NFIA: variants seen among roughly 807,000 people sequenced by gnomAD.
NFIA encodes nuclear factor I A.
Under a neutral mutation model 62.8 loss-of-function variants are expected in NFIA, and 8 were observed. The ratio of observed to expected loss-of-function variants is 0.13; its 90% CI spans 0.07 to 0.23. The LOEUF (loss-of-function observed/expected upper bound fraction) is 0.23. Among genes scored for constraint, NFIA ranks in the 10% least tolerant of loss-of-function variants. The pLI, the probability that NFIA is intolerant of heterozygous loss-of-function variation, is 1.00. For synonymous variants in NFIA, 235 were observed against 238.1 expected (o/e 0.99, Z 0.12); for missense variants, 410 against 642.1 (o/e 0.64, Z 3.91).
chr1:61,366,542 A>G (rs946366742), intron 6 of NFIA, among the ~76,000 whole-genome samples: 1 of 152,234 alleles, frequency 6.6e-6, no homozygotes, highest in Admixed American at 6.5e-5. Context: ...TTTGATAAGG[A>G]ATAAATTTAG....
At chr1:61,395,074 T>A (rs1266832439) in intron 7 of NFIA, among the ~76,000 whole-genome samples, 1 of 151,926 alleles carries the variant, frequency 6.6e-6, no homozygotes, top group African/African-American at 2.4e-5. Context: ...ATCACTGCCC[T>A]CCAGCCTGGG....
At chr1:61,091,929 A>G (rs557339449) in intron 2 of NFIA, among the ~76,000 whole-genome samples, 7 of 151,778 alleles carry the variant, frequency 4.6e-5, no homozygotes, top group African/African-American at 1.7e-4. Context: ...CAAATTAGTT[A>G]GATTTTGTGA....
intron 4 of NFIA, among the ~76,000 whole-genome samples, chr1:61,335,923 A>G (rs1185690269): frequency 6.6e-6 from 1 of 152,198 alleles, no homozygotes; most frequent in Non-Finnish European, 1.5e-5. Flanking sequence ...GTGATGTCAT[A>G]TAATATGAAA....
At chr1:61,281,345 G>A (rs1165664186) in intron 3 of NFIA, among the ~76,000 whole-genome samples, 1 of 152,184 alleles carries the variant, frequency 6.6e-6, no homozygotes, top group South Asian at 2.1e-4. Flanking sequence ...TTCACAGTAA[G>A]GACTCAAAGG....
intron 5 of NFIA, among the ~76,000 whole-genome samples, chr1:61,357,587 G>A (rs1185345066): frequency 2.0e-5 from 3 of 152,066 alleles, no homozygotes; most frequent in Middle Eastern, 3.2e-3. Context: ...AGCCTTTCCC[G>A]AACCCCTGGC....
At chr1:61,341,272 C>T (rs1449983136) in intron 4 of NFIA, among the ~76,000 whole-genome samples, 2 of 151,828 alleles carry the variant, frequency 1.3e-5, no homozygotes, top group Non-Finnish European at 2.9e-5. Context: ...ACCGTGGTCT[C>T]GATCTCCTGA....
Position 61,461,472 on chromosome 1 carries a change from T to A in NFIA, c.*6152T>A, listed in dbSNP as rs943949716. On this transcript the variant is annotated 3_prime_UTR_variant, in exon 11 of 11. Coordinates refer to ENST00000403491, the MANE Select transcript of NFIA (RefSeq NM_001134673.4). The stretch of plus-strand genomic sequence containing the variant: ...AATTTGAAATTACTTGCTTCCCAAA[T>A]TAAATAAATTTCATCTCATTTTTTT... 2.0e-5 allele frequency: 3 copies of A among 152,202 alleles called. No homozygotes were observed. Among genetic ancestry groups the A allele is most frequent in the African/African-American group, 7.2e-5 (3 of 41,450 alleles). The allele number at this position is 152,202 out of a possible 1,614,324, so 9.4% of individuals were successfully genotyped here. A position where few individuals can be genotyped will look rare whatever the true frequency, so the allele number is the denominator to read the frequency against.
chr1:61,352,374 G>C, intron 4 of NFIA, 76 bp from the exon 5 acceptor site: 1 of 987,884 alleles, frequency 1.0e-6, no homozygotes, highest in East Asian at 2.4e-5. Context: ...TGTGCTAAAT[G>C]CAACACTGAG....
chr1:61,216,454 C>T (rs1004787479), intron 2 of NFIA, among the ~76,000 whole-genome samples: 1 of 152,174 alleles, frequency 6.6e-6, no homozygotes, highest in Non-Finnish European at 1.5e-5. Context: ...GATGCAGTCT[C>T]ATGGTGGAAC....
intron 2 of NFIA, among the ~76,000 whole-genome samples, chr1:61,135,284 C>A (rs1647162374): frequency 6.6e-6 from 1 of 152,184 alleles, no homozygotes; most frequent in South Asian, 2.1e-4. Context: ...CCCAGGTAGC[C>A]CAGACCAAGG....
At chr1:61,261,592 C>A (rs1011591355) in intron 2 of NFIA, among the ~76,000 whole-genome samples, 6 of 152,122 alleles carry the variant, frequency 3.9e-5, no homozygotes, top group Non-Finnish European at 7.4e-5. Context: ...CAACCCCCAT[C>A]ATAAGTCGAA....
At chr1:61,182,430 A>G (rs1384363901) in intron 2 of NFIA, among the ~76,000 whole-genome samples, 1 of 152,264 alleles carries the variant, frequency 6.6e-6, no homozygotes, top group Non-Finnish European at 1.5e-5. Context: ...AAGTTTCAGA[A>G]ACAATTGAAA....
At chr1:61,383,782 G>A (rs2100486880) in intron 7 of NFIA, among the ~76,000 whole-genome samples, 3 of 152,326 alleles carry the variant, frequency 2.0e-5, no homozygotes, top group African/African-American at 7.2e-5. Flanking sequence ...TTTTCAAGTA[G>A]TAGCTTTTTC....
At chr1:61,281,996 C>CA (rs1047906978) in intron 3 of NFIA, among the ~76,000 whole-genome samples, 4 of 151,510 alleles carry the variant, frequency 2.6e-5, no homozygotes, top group Admixed American at 6.6e-5. Flanking sequence ...AACAAACAAA[C>CA]AAAAAAAACA....
At chr1:61,214,889 C>G (rs1047673562) in intron 2 of NFIA, among the ~76,000 whole-genome samples, 1 of 152,170 alleles carries the variant, frequency 6.6e-6, no homozygotes, top group East Asian at 1.9e-4. Context: ...TGAAACAGGT[C>G]TTGGCTCCGA....
intron 9 of NFIA, among the ~76,000 whole-genome samples, chr1:61,411,017 A>G (rs1376862368): frequency 6.6e-6 from 1 of 152,196 alleles, no homozygotes; most frequent in African/African-American, 2.4e-5. Flanking sequence ...ATGGAATAAC[A>G]CTAACTGCTC....
chr1:61,150,784 C>CAG (rs1648347426), intron 2 of NFIA, among the ~76,000 whole-genome samples: 1 of 152,080 alleles, frequency 6.6e-6, no homozygotes, highest in African/African-American at 2.4e-5. Context: ...CAGTATTGAA[C>CAG]AGTTAGACTA....
chr1:61,405,871 T>C (rs1418210657), intron 8 of NFIA, among the ~76,000 whole-genome samples: 3 of 152,166 alleles, frequency 2.0e-5, no homozygotes, highest in African/African-American at 7.2e-5. Context: ...TAAATATGAC[T>C]CTTATGGCAT....
rs538893282 is a variant in NFIA at position 61,461,765 on chromosome 1, G to A, written c.*6445G>A. ...TGTGTCTGAACCACAAGAGCATACA[G>A]TGGAAGTGCTACCTCTAATCTAACC... On this transcript the variant is annotated 3_prime_UTR_variant, in exon 11 of 11. Transcript: ENST00000403491. The A allele has an allele frequency of 6.6e-6, 1 of 152,302 alleles. No homozygotes were observed. The highest frequency in any genetic ancestry group is 2.4e-5 in the African/African-American group (1 of 41,568). 9.4% of individuals were successfully genotyped at this position (152,302 alleles called of 1,614,324 possible). A position where few individuals can be genotyped will look rare whatever the true frequency, so the allele number is the denominator to read the frequency against.
Sources: allele counts gnomAD v4.1 joint callset (sites outside exome capture counted in the v4.1 genomes callset), GRCh38; gene constraint gnomAD v4.1.1; transcripts MANE v1.5; gene names NCBI Gene and HGNC (gene_info 2026-07-23, HGNC 2026-07-21).